The following SLC39A11 variants were observed in gnomAD, a reference collection of about 807,000 sequenced individuals.
SLC39A11 encodes zinc transporter ZIP11.
SLC39A11 carries 33 observed loss-of-function variants against 36.1 expected under a neutral mutation model. The observed-to-expected ratio is 0.91, with a 90% CI of 0.69 to 1.22. The LOEUF is 1.22. Ranked by LOEUF, SLC39A11 falls within the 50% of genes most tolerant of loss-of-function variation. The pLI is 0.00. For synonymous variants in SLC39A11, 166 were observed against 170.3 expected (o/e 0.97, Z 0.20); for missense variants, 432 against 430.3 (o/e 1.00, Z -0.03).
intron 7 of SLC39A11, among the ~76,000 whole-genome samples, chr17:72,671,039 G>A (rs2071000146): frequency 6.6e-6 from 1 of 152,174 alleles, no homozygotes; most frequent in Non-Finnish European, 1.5e-5. Context: ...AGCCAGGAAA[G>A]CACAAAAAGA....
chr17:72,916,734 T>C (rs1294309769), intron 5 of SLC39A11, among the ~76,000 whole-genome samples: 1 of 152,120 alleles, frequency 6.6e-6, no homozygotes, highest in East Asian at 1.9e-4. Context: ...TGGGTCCATA[T>C]ATACCCTATT....
intron 5 of SLC39A11, among the ~76,000 whole-genome samples, chr17:72,902,448 G>A (rs1024473987): frequency 2.6e-5 from 4 of 152,140 alleles, no homozygotes; most frequent in Non-Finnish European, 4.4e-5. Context: ...GCCTTCAGAG[G>A]GAGCATGGGT....
At chr17:73,047,103 C>A (rs546164925) in intron 3 of SLC39A11, among the ~76,000 whole-genome samples, 3 of 150,152 alleles carry the variant, frequency 2.0e-5, no homozygotes, top group Admixed American at 6.7e-5. Flanking sequence ...CGGCTCACTG[C>A]AGGCTCCACC....
intron 4 of SLC39A11, 99 bp from the exon 5 acceptor site, chr17:72,947,974 C>A: frequency 1.4e-6 from 2 of 1,469,586 alleles, no homozygotes; most frequent in South Asian, 1.2e-5. Flanking sequence ...CCAGTCTCTA[C>A]CAAGACCGCC....
intron 6 of SLC39A11, among the ~76,000 whole-genome samples, chr17:72,746,336 G>C (rs917473496): frequency 1.3e-5 from 2 of 152,106 alleles, no homozygotes; most frequent in African/African-American, 4.8e-5. Context: ...CCACGTTGAG[G>C]GGTCAGGTGT....
intron 3 of SLC39A11, among the ~76,000 whole-genome samples, chr17:73,040,225 T>C (rs2059062443): frequency 6.6e-6 from 1 of 152,198 alleles, no homozygotes; most frequent in Admixed American, 6.5e-5. Context: ...AACCCATTAA[T>C]ATCCCATGAC....
chr17:73,035,601 A>G (rs193210273), intron 3 of SLC39A11, among the ~76,000 whole-genome samples: 16 of 152,218 alleles, frequency 1.1e-4, no homozygotes, highest in African/African-American at 2.9e-4. Flanking sequence ...AGTGGGACCA[A>G]TGTAACCACA....
intron 6 of SLC39A11, among the ~76,000 whole-genome samples, chr17:72,812,835 A>C (rs1417821474): frequency 6.6e-6 from 1 of 152,182 alleles, no homozygotes; most frequent in Non-Finnish European, 1.5e-5. Context: ...GGGGGGGTTT[A>C]GTTTTCATAA....
intron 7 of SLC39A11, among the ~76,000 whole-genome samples, chr17:72,680,387 C>A (rs868788154): frequency 6.6e-6 from 1 of 152,148 alleles, no homozygotes; most frequent in Non-Finnish European, 1.5e-5. Flanking sequence ...TCCCATAATT[C>A]CCATATGTCA....
At chr17:72,986,459 G>T (rs2088766076) in intron 4 of SLC39A11, among the ~76,000 whole-genome samples, 2 of 152,198 alleles carry the variant, frequency 1.3e-5, no homozygotes, top group African/African-American at 4.8e-5. Flanking sequence ...AGTCGAGTGT[G>T]ACGCGCCACC....
intron 3 of SLC39A11, among the ~76,000 whole-genome samples, chr17:73,034,056 A>G (rs575676407): frequency 6.2e-4 from 94 of 152,272 alleles, no homozygotes; most frequent in African/African-American, 2.1e-3. Context: ...GTCAATAAAG[A>G]CCATCAAAGG....
chr17:72,908,379 A>C (rs1473049529), intron 5 of SLC39A11, among the ~76,000 whole-genome samples: 2 of 152,186 alleles, frequency 1.3e-5, no homozygotes, highest in Admixed American at 1.3e-4. Context: ...AGCCTCCTTC[A>C]AATCGCTGCT....
intron 3 of SLC39A11, among the ~76,000 whole-genome samples, chr17:73,049,254 G>A (rs2059418027): frequency 6.6e-6 from 1 of 152,196 alleles, no homozygotes; most frequent in African/African-American, 2.4e-5. Flanking sequence ...AGAGGGACTG[G>A]GGGCAGGGGC....
intron 7 of SLC39A11, among the ~76,000 whole-genome samples, chr17:72,688,974 C>A (rs2071885849): frequency 6.6e-6 from 1 of 152,182 alleles, no homozygotes; most frequent in Non-Finnish European, 1.5e-5. Flanking sequence ...CTCTACTCCC[C>A]AAGACAACTG....
At position 72,812,417 on chromosome 17, in the gene SLC39A11, A is replaced by G. The variant is rs528198001; in HGVS notation, c.601+37217T>C. Among the ~76,000 whole-genome samples the G allele has an allele frequency of 1.0e-4, 16 of 152,388 alleles. No individual in the cohort carries two copies. The South Asian group carries it at 3.3e-3, about 32-fold the overall frequency. ...TTTAGAATCTAGAGTCTAGGGTTGG[A>G]TACAATGTATAACAAAGATGTCTAG... On this transcript the variant is annotated intron_variant, in intron 6 of 9. Coordinates refer to ENST00000255559, the MANE Select transcript of SLC39A11 (RefSeq NM_139177.4).
At chr17:72,976,830 C>T (rs543846213) in intron 4 of SLC39A11, among the ~76,000 whole-genome samples, 18 of 149,416 alleles carry the variant, frequency 1.2e-4, no homozygotes, top group African/African-American at 4.5e-4. Context: ...AGCCTGGCAA[C>T]AGAGCAAGAC....
chr17:72,814,014 G>A (rs1284308736), intron 6 of SLC39A11, among the ~76,000 whole-genome samples: 1 of 152,204 alleles, frequency 6.6e-6, no homozygotes, highest in African/African-American at 2.4e-5. Context: ...TCTCAGAACT[G>A]TTGCTGAGAA....
At position 73,009,266 on chromosome 17, in the gene SLC39A11, G is replaced by A. The variant is rs577752551; in HGVS notation, c.306+22290C>T. Reference sequence around the variant, plus strand: ...CATCTGTAGTCCCCGCTACGGGGGAGGCTGAGGCAGGAGAATGGCGTGAGC... The same window carrying A: ...CATCTGTAGTCCCCGCTACGGGGGAAGCTGAGGCAGGAGAATGGCGTGAGC... On this transcript the variant is annotated intron_variant, in intron 4 of 9. Transcript: ENST00000255559. 2.0e-5 allele frequency among the ~76,000 whole-genome samples: 3 copies of A among 151,326 alleles called. No individual in the cohort carries two copies. The East Asian group carries it at 5.8e-4, about 29-fold the overall frequency.
At chr17:73,006,378 C>T (rs1429381937) in intron 4 of SLC39A11, among the ~76,000 whole-genome samples, 1 of 152,000 alleles carries the variant, frequency 6.6e-6, no homozygotes, top group Non-Finnish European at 1.5e-5. Context: ...GATTGTGGGC[C>T]AAATCCAGCC....
Sources: gnomAD v4.1 joint callset for allele counts (sites outside exome capture counted in the v4.1 genomes callset) on GRCh38, gnomAD v4.1.1 for gene constraint, MANE v1.5 for transcripts, NCBI Gene and HGNC (gene_info 2026-07-23, HGNC 2026-07-21) for gene names.